The following C11orf65 variants were observed in gnomAD, a reference collection of about 807,000 sequenced individuals.
C11orf65 encodes protein MFI.
C11orf65 carries 38 observed loss-of-function variants against 35.3 expected under a neutral mutation model. That is an observed-to-expected ratio of 1.08 (90% CI 0.83 to 1.41). The LOEUF is 1.41. C11orf65 is among the 40% of genes most tolerant of loss of function. The pLI, the probability that C11orf65 is intolerant of heterozygous loss-of-function variation, is 0.00. For missense variants in C11orf65, 370 were observed against 367.1 expected, an observed-to-expected ratio of 1.01 and a Z score of -0.06; for synonymous variants, 105 against 114.4, an observed-to-expected ratio of 0.92 and a Z score of 0.53.
At chr11:108,334,013 T>C (rs1376205874) in intron 3 of C11orf65, 11 of 1,452,466 alleles carry the variant, frequency 7.6e-6, no homozygotes, top group Non-Finnish European at 1.1e-5. Context: ...TAAATTTTTT[T>C]TATTAGATTG....
At chr11:108,435,488 G>A (rs1476640992) in intron 2 of C11orf65, among the ~76,000 whole-genome samples, 1 of 152,094 alleles carries the variant, frequency 6.6e-6, no homozygotes. Context: ...AAAGTTAATG[G>A]AAAATTATAA....
chr11:108,431,786 CCTT>C lies in C11orf65; in HGVS notation c.131_133del (p.Gln44_Gly45delinsArg). 1 of 1,526,696 alleles carries C rather than the reference CCTT, an allele frequency of 6.6e-7. No individual in the cohort carries two copies. The allele number at this position is 1,526,696 out of a possible 1,614,324, so 94.6% of individuals were successfully genotyped here. A position where few individuals can be genotyped will look rare whatever the true frequency, so the allele number is the denominator to read the frequency against. ...ATATTTCACTATCTGACGTGGTTCT[CCTT>C]GTCTTCTTAAATCAATCAGACTTTT... On this transcript the variant is annotated inframe_deletion, in exon 3 of 9. Coordinates refer to ENST00000393084, the MANE Select transcript of C11orf65 (RefSeq NM_152587.5).
rs3092910 is a variant in C11orf65 at position 108,310,190 on chromosome 11, T to C, written c.641-1119A>G. ...CTTCAGGAACAATTTTTAATGATGC[T>C]TTCTGGCTGGATTTAAATTATCTAG... is the stretch of plus-strand genomic sequence containing the variant. On this transcript the variant is annotated intron_variant, in intron 6 of 6. Coordinates refer to the C11orf65 transcript ENST00000525729. 10,925 of 1,613,558 alleles carry C rather than the reference T, an allele frequency of 6.8e-3. 41 individuals are homozygous for C. The highest frequency in any genetic ancestry group is 7.8e-3 in the African/African-American group (585 of 75,026).
chr11:108,419,711 A>C (rs2092788108), intron 3 of C11orf65, among the ~76,000 whole-genome samples: 1 of 152,202 alleles, frequency 6.6e-6, no homozygotes, highest in African/African-American at 2.4e-5. Context: ...CTAAAAATAA[A>C]ATCAAAAAAC....
chr11:108,375,636 T>A (rs1327438004), intron 2 of C11orf65, among the ~76,000 whole-genome samples: 6 of 152,020 alleles, frequency 3.9e-5, no homozygotes, highest in Non-Finnish European at 5.9e-5. Context: ...CACATAACAA[T>A]ATTAACTTTA....
At chr11:108,360,173 C>T (rs11518308) in intron 2 of C11orf65, among the ~76,000 whole-genome samples, 194 of 149,928 alleles carry the variant, frequency 1.3e-3, no homozygotes, top group Non-Finnish European at 2.0e-3. Context: ...AACACCTCTA[C>T]GCAAATAAAC....
Position 108,407,134 on chromosome 11 carries a change from C to A in C11orf65, c.190G>T (p.Ala64Ser). ...AATCGCACATGAATGCCAGCAGCAG[C>A]ATCTAGAAGCTCTGCCTATAAGAAA... ...INPKEAELLD[A>S]AAGIHVRFRL... The change falls in exon 4 of 9, where the codon GCT (alanine) becomes TCT (serine). Residue 64 changes from alanine (A) to serine (S), a missense_variant. Physicochemically the swap from Ala to Ser is moderately conservative, Grantham distance 99. Transcript: ENST00000393084. 1 of 1,607,122 alleles carries A rather than the reference C, an allele frequency of 6.2e-7. No homozygotes were observed. The highest frequency in any genetic ancestry group is 8.5e-7 in the Non-Finnish European group (1 of 1,175,296).
chr11:108,468,732 A>T (rs964920024), upstream of C11orf65, among the ~76,000 whole-genome samples: 2 of 152,200 alleles, frequency 1.3e-5, no homozygotes, highest in African/African-American at 4.8e-5. Context: ...AGTAGTTATG[A>T]ACAATAAACT....
At chr11:108,377,428 C>G (rs1243789274) in intron 2 of C11orf65, among the ~76,000 whole-genome samples, 1 of 152,252 alleles carries the variant, frequency 6.6e-6, no homozygotes, top group South Asian at 2.1e-4. Flanking sequence ...CAAAATTCAA[C>G]AACCCTTCAT....
upstream of C11orf65, chr11:108,467,559 T>C (rs1234591639): frequency 6.6e-6 from 1 of 152,244 alleles, no homozygotes. Context: ...CCCGCCCCAT[T>C]GCCCTCCTAG....
At chr11:108,469,321 TACC>T (rs1294691544), upstream of C11orf65, among the ~76,000 whole-genome samples, 6 of 151,882 alleles carry the variant, frequency 4.0e-5, no homozygotes, top group Non-Finnish European at 5.9e-5. Flanking sequence ...ATGTATATTT[TACC>T]ACAATTTAAA....
rs572415216 is a variant in C11orf65, at chr11:108,437,443, C to T, written c.82-5605G>A. On this transcript the variant is annotated intron_variant, in intron 2 of 8. Coordinates refer to ENST00000393084, the MANE Select transcript of C11orf65 (RefSeq NM_152587.5). ...ACTGAAGGCTGGGTGCAGTGGCTCA[C>T]GCCTGTAATCCCAGCACTTTGGGAG... is the stretch of plus-strand genomic sequence containing the variant. Among the ~76,000 whole-genome samples, 6 of 152,172 alleles carry T rather than the reference C, an allele frequency of 3.9e-5. No homozygotes were observed. The South Asian group carries it at 1.0e-3, about 26-fold the overall frequency.
At chr11:108,345,722 A>C in intron 2 of C11orf65, 1 of 1,513,478 alleles carries the variant, frequency 6.6e-7, no homozygotes, top group Non-Finnish European at 9.0e-7. Context: ...AAAAATAATT[A>C]TATATATTCT....
intron 7 of C11orf65, among the ~76,000 whole-genome samples, chr11:108,390,124 C>T (rs919788330): frequency 3.3e-5 from 5 of 151,934 alleles, no homozygotes; most frequent in East Asian, 3.9e-4. Context: ...CCTGGGTTCA[C>T]GCCATTCTCC....
At chr11:108,382,384 T>C (rs2091882851), downstream of C11orf65, among the ~76,000 whole-genome samples, 1 of 151,324 alleles carries the variant, frequency 6.6e-6, no homozygotes, top group Non-Finnish European at 1.5e-5. Flanking sequence ...AGGGGAATGA[T>C]CTAGGAAGGA....
chr11:108,326,447 T>C (rs912019266), downstream of C11orf65, among the ~76,000 whole-genome samples: 1 of 152,194 alleles, frequency 6.6e-6, no homozygotes, highest in Non-Finnish European at 1.5e-5. Flanking sequence ...TCGATTCATT[T>C]AATATATCCC....
At chr11:108,374,069 G>A (rs1211157928) in intron 2 of C11orf65, among the ~76,000 whole-genome samples, 1 of 152,110 alleles carries the variant, frequency 6.6e-6, no homozygotes, top group Admixed American at 6.5e-5. Flanking sequence ...AGGCCTGCCT[G>A]CCTCTGTAGG....
intron 3 of C11orf65, among the ~76,000 whole-genome samples, chr11:108,416,102 T>C (rs531833368): frequency 1.3e-5 from 2 of 152,272 alleles, no homozygotes; most frequent in Non-Finnish European, 2.9e-5. Flanking sequence ...ATAATAGATA[T>C]GACGGACTTC....
At chr11:108,344,315 T>C (rs1343229049) in intron 2 of C11orf65, among the ~76,000 whole-genome samples, 1 of 152,080 alleles carries the variant, frequency 6.6e-6, no homozygotes, top group African/African-American at 2.4e-5. Context: ...AGCCGAGTTT[T>C]GTAAATGAGT....
Sources: gnomAD v4.1 joint callset for allele counts (sites outside exome capture counted in the v4.1 genomes callset) on GRCh38, gnomAD v4.1.1 for gene constraint, MANE v1.5 for transcripts, NCBI Gene and HGNC (gene_info 2026-07-23, HGNC 2026-07-21) for gene names.